ELMO1: variants seen among roughly 807,000 people sequenced by gnomAD.
The protein encoded by ELMO1 is engulfment and cell motility 1.
In ELMO1, 26 loss-of-function variants were observed where a neutral mutation model predicts 98.9. That is an observed-to-expected ratio of 0.26 (90% CI 0.19 to 0.36). The LOEUF is 0.36. Ranked by LOEUF, ELMO1 falls within the 10% of genes least tolerant of loss-of-function variation. The pLI is 1.00. For synonymous variants in ELMO1, 346 were observed against 346.0 expected, an observed-to-expected ratio of 1.00 and a Z score of 0.00; for missense variants, 627 against 935.2, an observed-to-expected ratio of 0.67 and a Z score of 4.30.
At chr7:37,212,278 G>A (rs538113617) in intron 12 of ELMO1, among the ~76,000 whole-genome samples, 2 of 152,276 alleles carry the variant, frequency 1.3e-5, no homozygotes, top group African/African-American at 4.8e-5. Context: ...AGTTCTGCAA[G>A]ATAAAAAGAG....
intron 15 of ELMO1, among the ~76,000 whole-genome samples, chr7:37,091,095 G>A (rs1250797840): frequency 6.6e-6 from 1 of 152,122 alleles, no homozygotes; most frequent in Admixed American, 6.6e-5. Context: ...CATCAACAAT[G>A]TATTTATTTA....
chr7:36,936,934 C>T (rs1786584374), intron 16 of ELMO1, among the ~76,000 whole-genome samples: 1 of 152,108 alleles, frequency 6.6e-6, no homozygotes, highest in Non-Finnish European at 1.5e-5. Context: ...ATTGTAGTTT[C>T]TTTTTTGGGC....
chr7:37,404,566 AG>A (rs1486523108), intron 1 of ELMO1, among the ~76,000 whole-genome samples: 1 of 152,216 alleles, frequency 6.6e-6, no homozygotes, highest in Non-Finnish European at 1.5e-5. Flanking sequence ...TGGGCCCTTC[AG>A]GTTGTTCCAA....
intron 7 of ELMO1, among the ~76,000 whole-genome samples, chr7:37,238,578 C>T (rs1217121926): frequency 1.3e-5 from 2 of 152,086 alleles, no homozygotes; most frequent in African/African-American, 2.4e-5. Flanking sequence ...GCTAAGAAAT[C>T]CTATACAATG....
intron 6 of ELMO1, among the ~76,000 whole-genome samples, chr7:37,245,944 T>C (rs1562550022): frequency 6.6e-6 from 1 of 152,148 alleles, no homozygotes; most frequent in Non-Finnish European, 1.5e-5. Context: ...AGGAATGAAT[T>C]AGTCCACATT....
At chr7:37,414,705 T>C (rs2052682) in intron 1 of ELMO1, among the ~76,000 whole-genome samples, 25,486 of 152,216 alleles carry the variant, frequency 0.17, 2,311 homozygotes, top group South Asian at 0.26. Flanking sequence ...TTCAATGATA[T>C]AAGCTTTTAT....
chr7:37,395,431 T>C (rs1371040122), intron 1 of ELMO1, among the ~76,000 whole-genome samples: 1 of 151,574 alleles, frequency 6.6e-6, no homozygotes, highest in East Asian at 1.9e-4. Flanking sequence ...CTACCATGTA[T>C]GTATGCTTCC....
rs920813774 is a variant in ELMO1 at position 37,437,456 on chromosome 7, C to T, written c.-74+11219G>A. ...TTCACAGTCAATCATAACTCATCCC[C>T]GTCTGTATTTTAACAGTTGGTACTT... On this transcript the variant is annotated intron_variant, in intron 1 of 21. Transcript: ENST00000310758. Among the ~76,000 whole-genome samples, 10 of 152,256 alleles carry T rather than the reference C, an allele frequency of 6.6e-5. 1 individual carries two copies. The South Asian group carries it at 1.0e-3, about 16-fold the overall frequency.
intron 1 of ELMO1, among the ~76,000 whole-genome samples, chr7:37,433,102 T>C (rs1804999131): frequency 6.6e-6 from 1 of 152,114 alleles, no homozygotes; most frequent in Admixed American, 6.5e-5. Flanking sequence ...ACAAGTGACC[T>C]TGGGTCTTCA....
intron 15 of ELMO1, among the ~76,000 whole-genome samples, chr7:37,080,436 C>T (rs931396371): frequency 1.5e-5 from 2 of 136,574 alleles, no homozygotes; most frequent in Non-Finnish European, 3.2e-5. Flanking sequence ...CACCATCCCA[C>T]TTTTTTTTTT....
At chr7:37,063,708 C>T (rs1274627907) in intron 15 of ELMO1, among the ~76,000 whole-genome samples, 1 of 152,132 alleles carries the variant, frequency 6.6e-6, no homozygotes. Flanking sequence ...TCACTCGATT[C>T]CCCTCCGCTA....
In ELMO1 at chr7:36,870,293, C is replaced by T. The variant is rs774573397; in HGVS notation, c.1905+100G>A. 2.5e-5 allele frequency: 24 copies of T among 965,602 alleles called. No individual in the cohort carries two copies. The highest frequency in any genetic ancestry group is 2.3e-4 in the Middle Eastern group (1 of 4,334). The allele number at this position is 965,602 out of a possible 1,614,324, so 59.8% of individuals were successfully genotyped here. ...AATAAGAGATGTGTGTCTGAACACACGCACACACACGAACACTGCTATAAA... is the reference window on the plus strand; with the variant it reads ...AATAAGAGATGTGTGTCTGAACACATGCACACACACGAACACTGCTATAAA... On this transcript the variant is annotated intron_variant, in intron 20 of 21. Transcript: ENST00000310758. This position sits in a 1 kb window ranked among gnomAD's most constrained non-coding sequence, Gnocchi z 4.4.
chr7:36,903,061 G>A (rs1783696039), intron 16 of ELMO1, among the ~76,000 whole-genome samples: 1 of 152,134 alleles, frequency 6.6e-6, no homozygotes, highest in South Asian at 2.1e-4. Context: ...TTGGGTGAAG[G>A]CCAGCCTCTC....
In ELMO1 at chr7:37,236,483, T is replaced by C. The variant is rs150614660; in HGVS notation, c.450-3289A>G. Among the ~76,000 whole-genome samples the C allele has an allele frequency of 9.0e-3, 1,378 of 152,324 alleles. 25 individuals are homozygous for C. Among genetic ancestry groups the C allele is most frequent in the African/African-American group, 0.032 (1,324 of 41,582 alleles). On this transcript the variant is annotated intron_variant, in intron 7 of 21. Transcript: ENST00000310758. ...GGAAGGATAGCTCTCTTGATCTATCTAATGACATGACAGATAGGCAGAGAC... is the reference window on the plus strand; with the variant it reads ...GGAAGGATAGCTCTCTTGATCTATCCAATGACATGACAGATAGGCAGAGAC...
intron 1 of ELMO1, among the ~76,000 whole-genome samples, chr7:37,440,426 A>T (rs2131587732): frequency 6.7e-6 from 1 of 149,504 alleles, no homozygotes. Flanking sequence ...TGGGCAACAG[A>T]GCAAGACTCT....
chr7:36,891,487 T>C (rs1386236553), intron 17 of ELMO1, among the ~76,000 whole-genome samples: 1 of 152,264 alleles, frequency 6.6e-6, no homozygotes, highest in Admixed American at 6.5e-5. Context: ...CATGGATTTC[T>C]ATTGTCCTTT....
At chr7:36,933,011 A>C (rs530572057) in intron 16 of ELMO1, among the ~76,000 whole-genome samples, 27 of 152,234 alleles carry the variant, frequency 1.8e-4, no homozygotes, top group African/African-American at 6.0e-4. Flanking sequence ...TGACTCTGAA[A>C]AGTTGTGAAG....
intron 15 of ELMO1, among the ~76,000 whole-genome samples, chr7:37,052,125 C>T (rs1327441244): frequency 6.6e-6 from 1 of 152,196 alleles, no homozygotes; most frequent in East Asian, 1.9e-4. Flanking sequence ...GGAAGCAATG[C>T]TCACACCAGT....
chr7:37,147,791 A>C (rs1205677404), intron 13 of ELMO1, among the ~76,000 whole-genome samples: 5 of 151,936 alleles, frequency 3.3e-5, no homozygotes, highest in African/African-American at 2.4e-5. Flanking sequence ...GGCCAGAAAG[A>C]AGCAGATATA....
Sources: gnomAD v4.1 joint callset for allele counts (sites outside exome capture counted in the v4.1 genomes callset) on GRCh38, gnomAD v4.1.1 for gene constraint, Gnocchi (gnomAD v3.1) non-coding constraint, MANE v1.5 for transcripts, NCBI Gene and HGNC (gene_info 2026-07-23, HGNC 2026-07-21) for gene names.